TXNDC11: variants seen among roughly 807,000 people sequenced by gnomAD.
TXNDC11 encodes the protein thioredoxin domain-containing protein 11.
Under a neutral mutation model 78.0 loss-of-function variants are expected in TXNDC11, and 68 were observed. The ratio of observed to expected loss-of-function variants is 0.87; its 90% confidence interval spans 0.72 to 1.07. TXNDC11 has a LOEUF of 1.07. Among genes scored for constraint, TXNDC11 ranks in the 50% least tolerant of loss-of-function variants. The probability of loss-of-function intolerance (pLI) is 0.00; values close to 1 mark genes in which losing one functional copy is unlikely to be tolerated. For synonymous variants in TXNDC11, 571 were observed against 495.2 expected (o/e 1.15, Z -2.03); for missense variants, 1,389 against 1,221.8 (o/e 1.14, Z -2.04).
chr16:11,703,735 G>C, intron 5 of TXNDC11: 1 of 701,704 alleles, frequency 1.4e-6, no homozygotes, highest in Non-Finnish European at 2.6e-6. Context: ...CCTTGGAGAA[G>C]AGGTTGATTC....
At chr16:11,699,728 A>C (rs1272085294) in intron 6 of TXNDC11, among the ~76,000 whole-genome samples, 1 of 152,260 alleles carries the variant, frequency 6.6e-6, no homozygotes, top group Non-Finnish European at 1.5e-5. Flanking sequence ...CAGGTTTTAA[A>C]GGCTGGGTAC....
intron 2 of TXNDC11, 146 bp from the exon 3 acceptor site, chr16:11,734,225 C>G: frequency 1.5e-6 from 1 of 654,782 alleles, no homozygotes; most frequent in Non-Finnish European, 2.7e-6. Context: ...TTTCAAAGGT[C>G]ATAATTTATC....
intron 5 of TXNDC11, among the ~76,000 whole-genome samples, chr16:11,703,430 T>C (rs567144338): frequency 8.5e-4 from 129 of 152,108 alleles, no homozygotes; most frequent in African/African-American, 2.9e-3. Context: ...AAGTTATATA[T>C]TAATAAGAGA....
At chr16:11,680,489 T>C (rs1053859966) in intron 11 of TXNDC11, among the ~76,000 whole-genome samples, 1 of 151,930 alleles carries the variant, frequency 6.6e-6, no homozygotes, top group Non-Finnish European at 1.5e-5. Context: ...GGAAGGAAGG[T>C]GACATAGAAA....
chr16:11,741,292 A>C (rs1311040334), intron 1 of TXNDC11, among the ~76,000 whole-genome samples: 1 of 152,232 alleles, frequency 6.6e-6, no homozygotes, highest in Admixed American at 6.5e-5. Flanking sequence ...CAGATCTTAT[A>C]AACTGGAATC....
At chr16:11,698,410 C>A in intron 6 of TXNDC11, 85 bp from the exon 7 acceptor site, 1 of 1,236,446 alleles carries the variant, frequency 8.1e-7, no homozygotes, top group Non-Finnish European at 1.2e-6. Context: ...TCCAACCCCA[C>A]CACTAAGGGT....
intron 1 of TXNDC11, among the ~76,000 whole-genome samples, chr16:11,740,145 A>T (rs2141132437): frequency 7.2e-6 from 1 of 139,648 alleles, no homozygotes. Flanking sequence ...GTGAGCCAAG[A>T]TAAAAAAAAA....
At chr16:11,739,976 T>A (rs534404739) in intron 1 of TXNDC11, among the ~76,000 whole-genome samples, 1 of 151,910 alleles carries the variant, frequency 6.6e-6, no homozygotes, top group South Asian at 2.1e-4. Flanking sequence ...GAGGACCACC[T>A]GAAGTCAGGA....
intron 5 of TXNDC11, among the ~76,000 whole-genome samples, chr16:11,716,573 T>G (rs1213172609): frequency 6.6e-6 from 1 of 152,158 alleles, no homozygotes; most frequent in Non-Finnish European, 1.5e-5. Context: ...TGTGAAATGA[T>G]TAAACATTAA....
chr16:11,739,277 G>T (rs928745181), intron 1 of TXNDC11, among the ~76,000 whole-genome samples: 1 of 152,140 alleles, frequency 6.6e-6, no homozygotes, highest in Admixed American at 6.5e-5. Flanking sequence ...TCTGCTTCAC[G>T]CTTTAGAGAA....
At chr16:11,737,748 C>G (rs28859913) in intron 1 of TXNDC11, among the ~76,000 whole-genome samples, 7 of 150,470 alleles carry the variant, frequency 4.7e-5, no homozygotes, top group Non-Finnish European at 1.0e-4. Flanking sequence ...TACCTGTAGT[C>G]TCAGCTACTC....
intron 1 of TXNDC11, 77 bp downstream of exon 1, chr16:11,742,400 C>T: frequency 1.7e-6 from 2 of 1,204,072 alleles, no homozygotes; most frequent in Non-Finnish European, 2.1e-6. Flanking sequence ...GAGGCCGCTG[C>T]GACCCGGCCC....
intron 5 of TXNDC11, among the ~76,000 whole-genome samples, chr16:11,713,045 T>G (rs532846361): frequency 6.8e-6 from 1 of 147,474 alleles, no homozygotes; most frequent in Non-Finnish European, 1.5e-5. Flanking sequence ...AGGCGGAGGT[T>G]GCGGTGAGTC....
Position 11,679,966 on chromosome 16 carries a change from GA to G in TXNDC11, c.2235-130del, listed in dbSNP as rs1329404804. 1.2e-6 allele frequency: 1 copy of G among 806,336 alleles called. No homozygotes were observed. Among genetic ancestry groups the G allele is most frequent in the African/African-American group, 1.7e-5 (1 of 57,868 alleles). 49.9% of individuals were successfully genotyped at this position (806,336 alleles called of 1,614,324 possible). A position where few individuals can be genotyped will look rare whatever the true frequency, so the allele number is the denominator to read the frequency against. On this transcript the variant is annotated intron_variant, in intron 11 of 11. Transcript: ENST00000283033. This position sits in a 1 kb window ranked among gnomAD's most constrained non-coding sequence, Gnocchi z 4.6. ...AGACGTTCCGTGGATTTTACTTACT[GA>G]AAGTAAGGAAAATGTTGCCTGGGCA...
intron 1 of TXNDC11, among the ~76,000 whole-genome samples, chr16:11,739,628 A>G (rs1328865782): frequency 6.6e-6 from 1 of 152,182 alleles, no homozygotes; most frequent in Non-Finnish European, 1.5e-5. Flanking sequence ...ACAAAATGGA[A>G]TAAAGCAAAA....
chr16:11,694,097 CTTTTTTTTTTTTTTT>C (rs535913245), intron 7 of TXNDC11, among the ~76,000 whole-genome samples: 6 of 85,690 alleles, frequency 7.0e-5, no homozygotes, highest in South Asian at 3.7e-4. Context: ...TACAGCAATG[CTTTTTTTTTTTTTTT>C]TTTTTTTTTT....
chr16:11,697,304 G>T (rs2050885053), intron 7 of TXNDC11, among the ~76,000 whole-genome samples: 1 of 152,164 alleles, frequency 6.6e-6, no homozygotes, highest in South Asian at 2.1e-4. Context: ...AGCGCTGAGG[G>T]GCTCAGGTCT....
intron 2 of TXNDC11, among the ~76,000 whole-genome samples, chr16:11,735,071 G>A (rs982779816): frequency 6.6e-6 from 1 of 152,190 alleles, no homozygotes; most frequent in African/African-American, 2.4e-5. Context: ...CATTTTACAT[G>A]TGAATCTAAA....
At chr16:11,742,068 A>C in intron 1 of TXNDC11, 9 of 179,604 alleles carry the variant, frequency 5.0e-5, no homozygotes, top group East Asian at 1.5e-4. Flanking sequence ...GAGTGCGGGA[A>C]TTCTAAAAGG....
Sources: allele counts gnomAD v4.1 joint callset (sites outside exome capture counted in the v4.1 genomes callset), GRCh38; gene constraint gnomAD v4.1.1; non-coding constraint Gnocchi (gnomAD v3.1); transcripts MANE v1.5; gene names NCBI Gene and HGNC (gene_info 2026-07-23, HGNC 2026-07-21).